Variants in MAL observed in about 807,000 individuals in gnomAD.
The protein encoded by MAL is myelin and lymphocyte protein.
Under a neutral mutation model 16.7 loss-of-function variants are expected in MAL, and 5 were observed. The observed-to-expected ratio is 0.30, with a 90% CI of 0.16 to 0.63. The LOEUF is 0.63. Ranked by LOEUF, MAL falls within the 30% of genes least tolerant of loss-of-function variation. The probability of loss-of-function intolerance (pLI) is 0.82; values close to 1 mark genes in which losing one functional copy is unlikely to be tolerated. For missense variants in MAL, 202 were observed against 195.8 expected (o/e 1.03, Z -0.19); for synonymous variants, 96 against 85.5 (o/e 1.12, Z -0.67).
intron 1 of MAL, among the ~76,000 whole-genome samples, chr2:95,037,139 GACTGAGTGAGTA>G: frequency 6.6e-6 from 1 of 151,406 alleles, no homozygotes. Flanking sequence ...GTGAGTGAGT[GACTGAGTGAGTA>G]ACTGAGTGGG....
In MAL at chr2:95,047,959, A is replaced by C. The variant is rs1208462160; in HGVS notation, c.94A>C (p.Ile32Leu). Residue 32 changes from isoleucine (I) to leucine (L), a missense_variant and splice_region_variant, in exon 2 of 4, where the codon ATC (isoleucine) becomes CTC (leucine). Physicochemically the swap from Ile to Leu is conservative, Grantham distance 5 (BLOSUM62 2). Coordinates refer to ENST00000309988, the MANE Select transcript of MAL (RefSeq NM_002371.4). Reference sequence around the variant, plus strand: ...ACTCACCCCTCCTCCTCCCCCGCAGATCTTCGGGGGCCTGGTGTGGATCCT... The same window carrying C: ...ACTCACCCCTCCTCCTCCCCCGCAGCTCTTCGGGGGCCTGGTGTGGATCCT... ...LPDLLFIFEF[I>L]FGGLVWILVA... 6.2e-7 allele frequency: 1 copy of C among 1,612,796 alleles called. No individual in the cohort carries two copies. Among genetic ancestry groups the C allele is most frequent in the African/African-American group, 1.3e-5 (1 of 74,804 alleles).
intron 1 of MAL, among the ~76,000 whole-genome samples, chr2:95,029,739 A>C (rs1228667032): frequency 6.6e-6 from 1 of 152,196 alleles, no homozygotes; most frequent in African/African-American, 2.4e-5. Flanking sequence ...TGTTTAATTA[A>C]GTTCAAGACC....
intron 1 of MAL, among the ~76,000 whole-genome samples, chr2:95,045,356 A>G (rs930114552): frequency 2.0e-5 from 3 of 152,180 alleles, no homozygotes; most frequent in African/African-American, 7.2e-5. Context: ...GGTTTGGTTC[A>G]TAAGTGGCTC....
At chr2:95,046,411 G>A (rs1370935288) in intron 1 of MAL, among the ~76,000 whole-genome samples, 1 of 152,196 alleles carries the variant, frequency 6.6e-6, no homozygotes, top group African/African-American at 2.4e-5. Flanking sequence ...TACTGGGTGG[G>A]GGTGGCGCTG....
chr2:95,029,783 T>C (rs1309587483), intron 1 of MAL, among the ~76,000 whole-genome samples: 1 of 152,188 alleles, frequency 6.6e-6, no homozygotes, highest in Non-Finnish European at 1.5e-5. Context: ...AGACTCTGCC[T>C]AATTTTGTAT....
intron 1 of MAL, chr2:95,026,647 C>T (rs926476072): frequency 1.3e-5 from 2 of 152,016 alleles, no homozygotes; most frequent in Non-Finnish European, 2.9e-5. Context: ...GCGCTTCCTA[C>T]TGAGAACTCC....
Position 95,053,575 on chromosome 2 carries a change from C to T in MAL, c.*120C>T. 1.3e-6 allele frequency: 1 copy of T among 743,032 alleles called. No homozygotes were observed. Among genetic ancestry groups the T allele is most frequent in the East Asian group, 2.6e-5 (1 of 38,988 alleles). 46.0% of individuals were successfully genotyped at this position (743,032 alleles called of 1,614,324 possible). ...GGTGGAAAAAAGAAAACAACCACCC[C>T]CCCACTGCCCAAAAAAAAAAGCCCT... On this transcript the variant is annotated 3_prime_UTR_variant, in exon 4 of 4. Transcript: ENST00000309988.
At chr2:95,033,450 G>A (rs1276058607) in intron 1 of MAL, among the ~76,000 whole-genome samples, 1 of 152,120 alleles carries the variant, frequency 6.6e-6, no homozygotes, top group Non-Finnish European at 1.5e-5. Flanking sequence ...AGCCGGCTGG[G>A]AGTGGCCTAA....
chr2:95,048,474 G>T (rs1162732663), intron 2 of MAL, among the ~76,000 whole-genome samples: 1 of 152,172 alleles, frequency 6.6e-6, no homozygotes, highest in African/African-American at 2.4e-5. Context: ...AAGGCAGCAG[G>T]GCCCCAGAGG....
rs559670657 is a variant in MAL, at chr2:95,050,241, G to C, written c.387+535G>C. ...TCGTCCATTGAAGCATCCAGCCAGG[G>C]GTGGGGACGCTGAGGCCAGGTGGAT... On this transcript the variant is annotated intron_variant, in intron 3 of 3. Coordinates refer to ENST00000309988, the MANE Select transcript of MAL (RefSeq NM_002371.4). Among the ~76,000 whole-genome samples the C allele has an allele frequency of 1.6e-3, 245 of 152,310 alleles. 1 individual carries two copies. Among genetic ancestry groups the C allele is most frequent in the African/African-American group, 5.3e-3 (219 of 41,560 alleles).
chr2:95,052,071 G>A (rs958674636), intron 3 of MAL, among the ~76,000 whole-genome samples: 5 of 152,210 alleles, frequency 3.3e-5, no homozygotes, highest in African/African-American at 1.2e-4. Flanking sequence ...CTCCTTTGTG[G>A]GTGGCGGAGC....
In MAL at chr2:95,049,670, C is replaced by T. The variant is rs748513184; in HGVS notation, c.351C>T (p.Phe117=). ...ALATITMQDG[F]TYRHYHENIA... ...CCACCATCACGATGCAAGACGGCTT[C>T]ACCTACAGGCACTACCATGAAAACA... The change falls in exon 3 of 4, where the codon TTC becomes TTT. Residue 117 remains phenylalanine, a synonymous_variant. Coordinates refer to ENST00000309988, the MANE Select transcript of MAL (RefSeq NM_002371.4). The T allele has an allele frequency of 3.7e-6, 6 of 1,614,186 alleles. No homozygotes were observed. The East Asian group carries it at 1.3e-4, about 36-fold the overall frequency.
intron 1 of MAL, among the ~76,000 whole-genome samples, chr2:95,032,040 C>T (rs1340491980): frequency 6.6e-6 from 1 of 152,204 alleles, no homozygotes; most frequent in Non-Finnish European, 1.5e-5. Context: ...TAAAAGATTG[C>T]CTTTTAGCTT....
intron 1 of MAL, among the ~76,000 whole-genome samples, chr2:95,030,004 G>A (rs1674036668): frequency 6.6e-6 from 1 of 152,148 alleles, no homozygotes; most frequent in African/African-American, 2.4e-5. Context: ...TCATAGTTCA[G>A]ATTCCCATGC....
At chr2:95,036,352 G>T (rs568903529) in intron 1 of MAL, among the ~76,000 whole-genome samples, 70 of 152,228 alleles carry the variant, frequency 4.6e-4, no homozygotes, top group Admixed American at 9.8e-4. Context: ...CCAACTACCG[G>T]GCTCTGTACC....
rs568571092 is a variant in MAL at position 95,038,712 on chromosome 2, GTGAC to G, written c.94-9239_94-9236del. ...AGTGACTGAGTGACTGAGTGGGTGA[GTGAC>G]TGACTGAGTAAGAGACTGAGTGAGT... On this transcript the variant is annotated intron_variant, in intron 1 of 3. Coordinates refer to ENST00000309988, the MANE Select transcript of MAL (RefSeq NM_002371.4). 2.6e-3 allele frequency among the ~76,000 whole-genome samples: 389 copies of G among 151,768 alleles called. 5 individuals are homozygous for G. The highest frequency in any genetic ancestry group is 8.8e-3 in the African/African-American group (363 of 41,326).
intron 1 of MAL, among the ~76,000 whole-genome samples, chr2:95,030,918 T>A (rs1674062751): frequency 6.6e-6 from 1 of 151,836 alleles, no homozygotes; most frequent in Admixed American, 6.6e-5. Context: ...ACCAGAGAGG[T>A]CTGGGGACTT....
In MAL at chr2:95,025,790, G is replaced by T; in HGVS notation, c.-3G>T. 1 of 1,544,720 alleles carries T rather than the reference G, an allele frequency of 6.5e-7. No homozygotes were observed. The highest frequency in any genetic ancestry group is 2.0e-5 in the Admixed American group (1 of 51,166). ...GTCCCAAGGCCGACGCCAGCACGCC[G>T]TCATGGCCCCCGCAGCGGCGACGGG... On this transcript the variant is annotated 5_prime_UTR_variant, in exon 1 of 4. Coordinates refer to ENST00000309988, the MANE Select transcript of MAL (RefSeq NM_002371.4). The surrounding 1 kb of genome is among the most constrained non-coding windows in gnomAD (Gnocchi z 5.6).
chr2:95,043,214 A>G (rs1380930889), intron 1 of MAL, among the ~76,000 whole-genome samples: 2 of 152,128 alleles, frequency 1.3e-5, no homozygotes, highest in Non-Finnish European at 1.5e-5. Context: ...GACTGACCCT[A>G]TGCACCTGTC....
Sources: allele counts gnomAD v4.1 joint callset (sites outside exome capture counted in the v4.1 genomes callset), GRCh38; gene constraint gnomAD v4.1.1; non-coding constraint Gnocchi (gnomAD v3.1); transcripts MANE v1.5; gene names NCBI Gene and HGNC (gene_info 2026-07-23, HGNC 2026-07-21).